The following BABAM2 variants were observed in gnomAD, a reference collection of about 807,000 sequenced individuals.
The protein encoded by BABAM2 is BRISC and BRCA1-A complex member 2.
BABAM2 carries 31 observed loss-of-function variants against 54.7 expected under a neutral mutation model. The observed-to-expected ratio is 0.57, with a 90% CI of 0.43 to 0.77. The LOEUF is 0.77. Ranked by LOEUF, BABAM2 falls within the 30% of genes least tolerant of loss-of-function variation. The probability of loss-of-function intolerance (pLI) is 0.00; values close to 1 mark genes in which losing one functional copy is unlikely to be tolerated. For missense variants in BABAM2, 364 were observed against 455.8 expected, an observed-to-expected ratio of 0.80 and a Z score of 1.83; for synonymous variants, 167 against 162.9, an observed-to-expected ratio of 1.03 and a Z score of -0.19.
At chr2:27,901,783 A>G (rs1007947270) in intron 2 of BABAM2, among the ~76,000 whole-genome samples, 2 of 152,152 alleles carry the variant, frequency 1.3e-5, no homozygotes, top group East Asian at 3.9e-4. Context: ...TTAGTTGTTC[A>G]CTTAACTTTT....
At chr2:28,176,841 CAAA>C (rs370551860) in intron 7 of BABAM2, among the ~76,000 whole-genome samples, 4 of 49,394 alleles carry the variant, frequency 8.1e-5, no homozygotes, top group Non-Finnish European at 9.9e-5. Context: ...CCAGTCAGAA[CAAA>C]AAAAAAAAAA....
At chr2:27,911,384 T>A (rs1402042345) in intron 2 of BABAM2, among the ~76,000 whole-genome samples, 2 of 152,086 alleles carry the variant, frequency 1.3e-5, no homozygotes, top group Non-Finnish European at 2.9e-5. Context: ...TTCTTTCAGT[T>A]CCATATTGTA....
At chr2:28,299,503 C>T (rs1172719646) in intron 11 of BABAM2, among the ~76,000 whole-genome samples, 1 of 152,112 alleles carries the variant, frequency 6.6e-6, no homozygotes, top group East Asian at 1.9e-4. Flanking sequence ...ACCTGTGATC[C>T]CAGCTGAAGG....
chr2:27,962,477 C>A (rs1670541797), intron 3 of BABAM2, among the ~76,000 whole-genome samples: 1 of 152,130 alleles, frequency 6.6e-6, no homozygotes, highest in Non-Finnish European at 1.5e-5. Context: ...ATACGTATAG[C>A]TAAACTCTTT....
rs556891250 is a variant in BABAM2 at position 28,084,634 on chromosome 2, T to C, written c.570+38835T>C. ...CCTGAAGAGATAGTGTTGATGCCTT[T>C]TGTGCTGTTAGCATTGTCATCTGTT... On this transcript the variant is annotated intron_variant, in intron 6 of 11. Transcript: ENST00000379624. 5.3e-5 allele frequency among the ~76,000 whole-genome samples: 8 copies of C among 152,258 alleles called. No individual in the cohort carries two copies. The South Asian group carries it at 8.3e-4, about 16-fold the overall frequency.
intron 8 of BABAM2, among the ~76,000 whole-genome samples, chr2:28,238,119 G>A (rs990821412): frequency 2.8e-4 from 43 of 152,224 alleles, no homozygotes; most frequent in Non-Finnish European, 5.7e-4. Context: ...CAAAGTGCTG[G>A]GATTACAGGC....
At chr2:28,249,173 C>T (rs919871019) in intron 10 of BABAM2, among the ~76,000 whole-genome samples, 1 of 151,494 alleles carries the variant, frequency 6.6e-6, no homozygotes, top group African/African-American at 2.4e-5. Flanking sequence ...CTGCAGCCTC[C>T]GCCACCTTGA....
At chr2:28,269,586 A>G (rs1685251419) in intron 10 of BABAM2, among the ~76,000 whole-genome samples, 1 of 152,182 alleles carries the variant, frequency 6.6e-6, no homozygotes, top group Admixed American at 6.5e-5. Context: ...TCATACAGCA[A>G]ACCTTTTGTA....
At chr2:27,891,626 C>T (rs946341043) in intron 1 of BABAM2, among the ~76,000 whole-genome samples, 3 of 152,012 alleles carry the variant, frequency 2.0e-5, no homozygotes, top group Admixed American at 2.0e-4. Flanking sequence ...GTACCCGGTT[C>T]ACTGCACCAA....
chr2:28,114,666 T>C (rs1167377234), intron 6 of BABAM2, among the ~76,000 whole-genome samples: 1 of 152,242 alleles, frequency 6.6e-6, no homozygotes, highest in Non-Finnish European at 1.5e-5. Flanking sequence ...ATGTGTTGTT[T>C]AGAAGTTTAT....
intron 4 of BABAM2, among the ~76,000 whole-genome samples, chr2:27,991,442 T>C (rs2148492842): frequency 6.6e-6 from 1 of 152,324 alleles, no homozygotes; most frequent in African/African-American, 2.4e-5. Flanking sequence ...AATTCAGTTG[T>C]TTTTAGTATG....
At chr2:27,890,149 G>A, upstream of BABAM2, 1 of 973,682 alleles carries the variant, frequency 1.0e-6, no homozygotes. This position sits in a 1 kb window ranked among gnomAD's most constrained non-coding sequence, Gnocchi z 4.8. Flanking sequence ...CCCAAAGCTA[G>A]CACTGTCTAT....
chr2:27,890,496 C>G, upstream of BABAM2: 1 of 655,820 alleles, frequency 1.5e-6, no homozygotes, highest in South Asian at 1.8e-5. The surrounding 1 kb of genome is among the most constrained non-coding windows in gnomAD (Gnocchi z 4.8). Context: ...ATCACCCCGC[C>G]CACCAAGTGT....
intron 1 of BABAM2, among the ~76,000 whole-genome samples, chr2:27,891,882 A>G (rs1664883133): frequency 6.6e-6 from 1 of 152,088 alleles, no homozygotes; most frequent in African/African-American, 2.4e-5. Context: ...GTCACTTAGT[A>G]TGGTTTGGCT....
At chr2:28,298,265 G>T in intron 10 of BABAM2, 73 bp from the exon 11 acceptor site, 3 of 1,504,160 alleles carry the variant, frequency 2.0e-6, no homozygotes, top group African/African-American at 1.4e-5. Flanking sequence ...CTAACATTCG[G>T]ATTTAGTCAA....
At chr2:27,889,884 C>G (rs1249318935), upstream of BABAM2, 1 of 210,188 alleles carries the variant, frequency 4.8e-6, no homozygotes, top group Non-Finnish European at 9.5e-6. Context: ...GTGAGGTAGG[C>G]ACATTCTCGG....
At chr2:28,048,258 T>C (rs1677746851) in intron 6 of BABAM2, among the ~76,000 whole-genome samples, 1 of 152,210 alleles carries the variant, frequency 6.6e-6, no homozygotes, top group Non-Finnish European at 1.5e-5. Flanking sequence ...CACTCATAAG[T>C]TCATATTACC....
intron 11 of BABAM2, among the ~76,000 whole-genome samples, chr2:28,328,747 T>G (rs1217423349): frequency 6.6e-6 from 1 of 152,174 alleles, no homozygotes; most frequent in African/African-American, 2.4e-5. Flanking sequence ...CTAAACTTGC[T>G]AAGCTTCTGT....
intron 6 of BABAM2, among the ~76,000 whole-genome samples, chr2:28,103,384 A>G (rs1017825281): frequency 1.3e-5 from 2 of 152,050 alleles, no homozygotes; most frequent in African/African-American, 2.4e-5. Flanking sequence ...GTGATCACAT[A>G]TCACTAGAGC....
Sources: gnomAD v4.1 joint callset for allele counts (sites outside exome capture counted in the v4.1 genomes callset) on GRCh38, gnomAD v4.1.1 for gene constraint, Gnocchi (gnomAD v3.1) non-coding constraint, MANE v1.5 for transcripts, NCBI Gene and HGNC (gene_info 2026-07-23, HGNC 2026-07-21) for gene names.